SOX5: variants seen among roughly 807,000 people sequenced by gnomAD.
SOX5 encodes the protein SRY-box transcription factor 5.
SOX5 carries 9 observed loss-of-function variants against 92.0 expected under a neutral mutation model. That is an observed-to-expected ratio of 0.10 (90% CI 0.06 to 0.17). The LOEUF is 0.17. Ranked by LOEUF, SOX5 falls within the 10% of genes least tolerant of loss-of-function variation. The pLI is 1.00. For missense variants in SOX5, 642 were observed against 944.5 expected, an observed-to-expected ratio of 0.68 and a Z score of 4.20; for synonymous variants, 344 against 336.3, an observed-to-expected ratio of 1.02 and a Z score of -0.25.
chr12:24,230,834 T>G (rs1484262806), intron 3 of SOX5, among the ~76,000 whole-genome samples: 9 of 152,168 alleles, frequency 5.9e-5, no homozygotes. Flanking sequence ...CATATAAATG[T>G]ACATAAATAT....
chr12:24,229,642 G>C (rs1005636316), intron 3 of SOX5, among the ~76,000 whole-genome samples: 27 of 152,078 alleles, frequency 1.8e-4, no homozygotes, highest in African/African-American at 6.3e-4. Flanking sequence ...GACACCCTTG[G>C]AACAAAAGCA....
At chr12:23,680,806 C>G (rs1039140625) in intron 6 of SOX5, among the ~76,000 whole-genome samples, 1 of 151,996 alleles carries the variant, frequency 6.6e-6, no homozygotes, top group Non-Finnish European at 1.5e-5. Flanking sequence ...CAATAAATAT[C>G]ACAACAGTAG....
At chr12:23,699,149 G>A (rs2090285264) in intron 6 of SOX5, among the ~76,000 whole-genome samples, 1 of 152,150 alleles carries the variant, frequency 6.6e-6, no homozygotes, top group African/African-American at 2.4e-5. Flanking sequence ...CCTCTGAAAA[G>A]CTATTCTTTC....
intron 1 of SOX5, among the ~76,000 whole-genome samples, chr12:24,435,770 GTTTTC>G (rs1939301706): frequency 6.6e-6 from 1 of 151,590 alleles, no homozygotes; most frequent in Non-Finnish European, 1.5e-5. Flanking sequence ...TTGTTTTTTT[GTTTTC>G]TTTTTAACAA....
chr12:24,496,942 C>T (rs545831150), intron 1 of SOX5, among the ~76,000 whole-genome samples: 26 of 152,294 alleles, frequency 1.7e-4, no homozygotes, highest in Non-Finnish European at 2.5e-4. Context: ...TTTCTACAAG[C>T]GCCACTAAGC....
chr12:23,600,552 T>TATATATATATATATATAC (rs745640453), intron 9 of SOX5, among the ~76,000 whole-genome samples: 152 of 95,172 alleles, frequency 1.6e-3, no homozygotes, highest in Non-Finnish European at 2.5e-3. Flanking sequence ...TATATATATA[T>TATATATATATATATATAC]ACACATACTT....
chr12:23,704,599 AT>A (rs2091110999), intron 6 of SOX5, among the ~76,000 whole-genome samples: 1 of 150,210 alleles, frequency 6.7e-6, no homozygotes, highest in South Asian at 2.1e-4. Context: ...ACTGACAGAA[AT>A]CTCAGGTCTG....
At chr12:24,539,911 C>T (rs1406773179) in intron 1 of SOX5, among the ~76,000 whole-genome samples, 2 of 152,022 alleles carry the variant, frequency 1.3e-5, no homozygotes, top group Non-Finnish European at 2.9e-5. Context: ...GCACATGTAA[C>T]CATATGCGTT....
At chr12:23,779,814 TACACACACAC>T (rs1555337311) in intron 3 of SOX5, among the ~76,000 whole-genome samples, 2 of 110,812 alleles carry the variant, frequency 1.8e-5, no homozygotes, top group African/African-American at 7.4e-5. Context: ...TATATATATA[TACACACACAC>T]ACACACACAC....
intron 4 of SOX5, among the ~76,000 whole-genome samples, chr12:24,103,787 T>C (rs190273106): frequency 2.8e-4 from 42 of 152,280 alleles, no homozygotes; most frequent in Middle Eastern, 3.4e-3. Flanking sequence ...GAGTGATATT[T>C]CTCAAATATG....
chr12:23,865,614 G>A (rs1482443847), intron 2 of SOX5, among the ~76,000 whole-genome samples: 4 of 152,194 alleles, frequency 2.6e-5, no homozygotes, highest in African/African-American at 9.6e-5. Context: ...GGCGGAGGTT[G>A]CAGTGAGCCG....
chr12:24,009,540 A>G (rs919126803), intron 4 of SOX5, among the ~76,000 whole-genome samples: 1 of 152,126 alleles, frequency 6.6e-6, no homozygotes, highest in Non-Finnish European at 1.5e-5. Flanking sequence ...GCAGAATCTT[A>G]TGTATATATA....
intron 2 of SOX5, among the ~76,000 whole-genome samples, chr12:24,291,605 A>C (rs1187783464): frequency 6.6e-6 from 1 of 152,274 alleles, no homozygotes; most frequent in African/African-American, 2.4e-5. Flanking sequence ...AAGAAATTCA[A>C]GGAAATCATG....
rs2135812835 is a variant in SOX5, at chr12:23,532,078, T to C, written c.*2141A>G. 2 of 151,288 alleles carry C rather than the reference T, an allele frequency of 1.3e-5. No homozygotes were observed. The highest frequency in any genetic ancestry group is 4.8e-5 in the African/African-American group (2 of 41,364). The allele number at this position is 151,288 out of a possible 1,614,324, so 9.4% of individuals were successfully genotyped here. A position where few individuals can be genotyped will look rare whatever the true frequency, so the allele number is the denominator to read the frequency against. ...AAATAAATTATACATAACTTACTAA[T>C]CTGGGAACAGCTGACCATTATTATT... On this transcript the variant is annotated 3_prime_UTR_variant, in exon 15 of 15. Transcript: ENST00000451604.
chr12:23,766,707 T>C (rs2094739151), intron 3 of SOX5, among the ~76,000 whole-genome samples: 1 of 152,088 alleles, frequency 6.6e-6, no homozygotes, highest in Admixed American at 6.6e-5. Flanking sequence ...TTAAATATTA[T>C]CAACAAAAAA....
chr12:24,177,367 C>T (rs1196145070), intron 4 of SOX5, among the ~76,000 whole-genome samples: 1 of 152,172 alleles, frequency 6.6e-6, no homozygotes, highest in Non-Finnish European at 1.5e-5. Context: ...CTAGAAAGTA[C>T]ACTCAGAAAA....
intron 1 of SOX5, among the ~76,000 whole-genome samples, chr12:24,510,489 G>C (rs1292864635): frequency 6.6e-6 from 1 of 152,174 alleles, no homozygotes; most frequent in Non-Finnish European, 1.5e-5. Flanking sequence ...ACAACTAAAG[G>C]AGGGTTCATT....
intron 2 of SOX5, among the ~76,000 whole-genome samples, chr12:23,887,917 A>T (rs61909998): frequency 6.9e-6 from 1 of 144,664 alleles, no homozygotes; most frequent in Non-Finnish European, 1.5e-5. Context: ...CAGTGTGTAT[A>T]TGTGTGTGTG....
At chr12:23,704,696 A>T (rs1309098535) in intron 6 of SOX5, among the ~76,000 whole-genome samples, 4 of 81,170 alleles carry the variant, frequency 4.9e-5, no homozygotes, top group Non-Finnish European at 1.1e-4. Context: ...GCATATATAT[A>T]TATATATATA....
Sources: gnomAD v4.1 joint callset for allele counts (sites outside exome capture counted in the v4.1 genomes callset) on GRCh38, gnomAD v4.1.1 for gene constraint, MANE v1.5 for transcripts, NCBI Gene and HGNC (gene_info 2026-07-23, HGNC 2026-07-21) for gene names.